Variants in SLC6A8 observed in about 807,000 individuals in gnomAD.
SLC6A8 encodes solute carrier family 6 member 8.
SLC6A8 carries 6 observed loss-of-function variants against 48.3 expected under a neutral mutation model. The ratio of observed to expected loss-of-function variants is 0.12; its 90% confidence interval spans 0.07 to 0.25. The LOEUF (loss-of-function observed/expected upper bound fraction) is 0.25. SLC6A8 is among the 10% of genes least tolerant of loss of function. The pLI, the probability that SLC6A8 is intolerant of heterozygous loss-of-function variation, is 1.00. For missense variants in SLC6A8, 260 were observed against 551.5 expected, an observed-to-expected ratio of 0.47 and a Z score of 5.29; for synonymous variants, 245 against 244.0, an observed-to-expected ratio of 1.00 and a Z score of -0.04.
In SLC6A8 at chrX:153,696,441, C is replaced by T. The variant is rs182097343; in HGVS notation, c.*1227C>T. 1,218 of 330,506 alleles carry T rather than the reference C, an allele frequency of 3.7e-3. 14 individuals carry two copies. The highest frequency in any genetic ancestry group is 0.03 in the African/African-American group (1,133 of 38,030). The allele number at this position is 330,506 out of a possible 1,213,427, so 27.2% of individuals were successfully genotyped here. A position where few individuals can be genotyped will look rare whatever the true frequency, so the allele number is the denominator to read the frequency against. On this transcript the variant is annotated 3_prime_UTR_variant, in exon 13 of 13. Coordinates refer to ENST00000253122, the MANE Select transcript of SLC6A8 (RefSeq NM_005629.4). ...TTGTCTGTCACGTCCAGTCCCGAGA[C>T]GGCTGAGTGACCCCAAGAAAGGCTT...
chrX:153,691,907 T>C (rs1199724357), intron 3 of SLC6A8, 68 bp from the exon 4 acceptor site: 5 of 1,106,869 alleles, frequency 4.5e-6, no homozygotes, highest in Middle Eastern at 3.4e-4. Context: ...CCACAACTCC[T>C]GGGGGTGGAC....
intron 4 of SLC6A8, 87 bp from the exon 5 acceptor site, chrX:153,692,954 C>G (rs2091464890): frequency 9.0e-7 from 1 of 1,109,039 alleles, no homozygotes; most frequent in Non-Finnish European, 1.2e-6. Flanking sequence ...CTGAACATAC[C>G]TGCCCGCAAG....
chrX:153,692,117 G>C lies in SLC6A8; in HGVS notation c.777+10G>C. The C allele has an allele frequency of 8.3e-7, 1 of 1,198,603 alleles. No homozygotes were observed. The highest frequency in any genetic ancestry group is 1.1e-6 in the Non-Finnish European group (1 of 887,617). On this transcript the variant is annotated intron_variant, in intron 4 of 12. Coordinates refer to ENST00000253122, the MANE Select transcript of SLC6A8 (RefSeq NM_005629.4). ...CAAATCCACGGGAAAGGTACCACTA[G>C]AGGCATGCAGCGGGGAGGGTGGCTC...
rs2091490196 is a variant in SLC6A8, at chrX:153,696,111, TTGCGTGTGTGAGTCTGTTGTGTGGATG to T, written c.*908_*934del. The T allele has an allele frequency of 2.0e-5, 4 of 202,007 alleles. No individual in the cohort carries two copies. Among genetic ancestry groups the T allele is most frequent in the Non-Finnish European group, 3.7e-5 (4 of 108,528 alleles). The allele number at this position is 202,007 out of a possible 1,213,427, so 16.6% of individuals were successfully genotyped here. On this transcript the variant is annotated 3_prime_UTR_variant, in exon 13 of 13. Coordinates refer to ENST00000253122, the MANE Select transcript of SLC6A8 (RefSeq NM_005629.4). ...TAGGCAAAACAAAAGCTTCGAGCTG[TTGCGTGTGTGAGTCTGTTGTGTGGATG>T]TGCGTGTGTGGTCCCCAGCCCCAGA...
In SLC6A8 at chrX:153,694,835, C is replaced by T. The variant is rs782244505; in HGVS notation, c.1713C>T (p.Cys571=). The T allele has an allele frequency of 1.1e-4, 136 of 1,207,372 alleles. No homozygotes were observed. The highest frequency in any genetic ancestry group is 9.0e-4 in the South Asian group (51 of 56,512). The part of the protein sequence containing the change: ...GWAFALSSML[C]VPLHLLGCLL... ...CCTTCGCCCTGTCCTCCATGCTGTG[C>T]GTGCCGCTGCACCTCCTGGGCTGCC... The change falls in exon 12 of 13, where the codon TGC becomes TGT. Residue 571 remains cysteine, a synonymous_variant. Transcript: ENST00000253122.
At chrX:153,694,913 C>T in intron 12 of SLC6A8, 24 bp downstream of exon 12, 2 of 1,120,593 alleles carry the variant, frequency 1.8e-6, no homozygotes, top group Non-Finnish European at 2.4e-6. Context: ...CCGGCCCGCC[C>T]TCCCCTCCCC....
Position 153,695,071 on chromosome X carries a change from C to T in SLC6A8, c.1768-3C>T, listed in dbSNP as rs150207268. 5.9e-3 allele frequency: 7,049 copies of T among 1,198,729 alleles called. 18 individuals are homozygous for T. The highest frequency in any genetic ancestry group is 0.013 in the Middle Eastern group (52 of 4,011). ...GGCTTCAGCATGTCCTCCTCTCCTGCAGCGCTGGCAGCACCTGACCCAGCC... is the reference window on the plus strand; with the variant it reads ...GGCTTCAGCATGTCCTCCTCTCCTGTAGCGCTGGCAGCACCTGACCCAGCC... On this transcript the variant is annotated splice_polypyrimidine_tract_variant and splice_region_variant and intron_variant, in intron 12 of 12. Transcript: ENST00000253122.
Position 153,690,891 on chromosome X carries a change from A to AAC in SLC6A8, c.394+386_394+387dup, listed in dbSNP as rs201574639. ...TCCAACACTACCTCAGGCGACTAGA[A>AAC]ACCCCCCCCCCCCACCACCACCATC... On this transcript the variant is annotated intron_variant, in intron 2 of 12. Coordinates refer to ENST00000253122, the MANE Select transcript of SLC6A8 (RefSeq NM_005629.4). The AAC allele has an allele frequency of 0.027, 4,162 of 156,825 alleles. 199 individuals carry two copies. In the African/African-American group the frequency reaches 0.27, roughly 10 times the overall value. 12.9% of individuals were successfully genotyped at this position (156,825 alleles called of 1,213,427 possible). A position where few individuals can be genotyped will look rare whatever the true frequency, so the allele number is the denominator to read the frequency against.
rs781858438 is a variant in SLC6A8 at position 153,694,107 on chromosome X, G to A, written c.1255-23G>A. On this transcript the variant is annotated intron_variant, in intron 8 of 12. Coordinates refer to ENST00000253122, the MANE Select transcript of SLC6A8 (RefSeq NM_005629.4). ...AGGGGTGGAGGGCGGTGCGGGGCTCGGCCTGAGCTGCCCTGGCCACAGTTT... is the reference window on the plus strand; with the variant it reads ...AGGGGTGGAGGGCGGTGCGGGGCTCAGCCTGAGCTGCCCTGGCCACAGTTT... 3.7e-5 allele frequency: 45 copies of A among 1,207,673 alleles called. No individual in the cohort carries two copies. The East Asian group carries it at 5.6e-4, about 15-fold the overall frequency.
chrX:153,688,889 GC>G, intron 1 of SLC6A8, 53 bp downstream of exon 1: 1 of 844,447 alleles, frequency 1.2e-6, no homozygotes, highest in South Asian at 3.6e-5. Context: ...GCCGGCCCCC[GC>G]CCGACCCCCG....
chrX:153,690,894 C>A (rs868941701), intron 2 of SLC6A8: 34 of 219,976 alleles, frequency 1.5e-4, no homozygotes, highest in African/African-American at 1.1e-3. Context: ...GACTAGAAAC[C>A]CCCCCCCCCC....
rs1179559512 is a variant in SLC6A8 at position 153,693,876 on chromosome X, A to G, written c.1142-29A>G. The G allele has an allele frequency of 1.9e-5, 21 of 1,086,496 alleles. No homozygotes were observed. In the African/African-American group the frequency reaches 3.5e-4, roughly 18 times the overall value. 89.5% of individuals were successfully genotyped at this position (1,086,496 alleles called of 1,213,427 possible). A position where few individuals can be genotyped will look rare whatever the true frequency, so the allele number is the denominator to read the frequency against. ...GCGCACAGGGCAGGACATCGGCTAC[A>G]AGGTCTAGAGCCTGCACCTTTCCCA... is the stretch of plus-strand genomic sequence containing the variant. On this transcript the variant is annotated intron_variant, in intron 7 of 12. Coordinates refer to ENST00000253122, the MANE Select transcript of SLC6A8 (RefSeq NM_005629.4).
At chrX:153,692,160 G>A (rs2091459466) in intron 4 of SLC6A8, 53 bp downstream of exon 4, 11 of 1,133,840 alleles carry the variant, frequency 9.7e-6, no homozygotes, top group Non-Finnish European at 1.3e-5. Flanking sequence ...GGAGCCGGAT[G>A]TCTGTGCCAG....
chrX:153,691,167 G>A (rs1417135011), intron 2 of SLC6A8, 137 bp from the exon 3 acceptor site: 23 of 690,750 alleles, frequency 3.3e-5, no homozygotes, highest in Non-Finnish European at 4.5e-5. Flanking sequence ...GGGAGCCCAG[G>A]GGAGTCAGGA....
chrX:153,693,975 C>A lies in SLC6A8; in HGVS notation c.1212C>A (p.Ala404=). 1 of 1,179,653 alleles carries A rather than the reference C, an allele frequency of 8.5e-7. No homozygotes were observed. Among genetic ancestry groups the A allele is most frequent in the Non-Finnish European group, 1.1e-6 (1 of 878,786 alleles). Residue 404 remains alanine (A), a synonymous_variant, in exon 8 of 13, where the codon GCC becomes GCA. Coordinates refer to ENST00000253122, the MANE Select transcript of SLC6A8 (RefSeq NM_005629.4). ...TLMPVAPLWA[A]LFFFMLLLLG... is the part of the protein sequence containing the mutation. ...TGCCAGTGGCCCCACTCTGGGCTGC[C>A]CTGTTCTTCTTCATGCTGTTGCTGC...
intron 1 of SLC6A8, 147 bp downstream of exon 1, chrX:153,688,983 C>A (rs1168246703): frequency 5.5e-6 from 1 of 182,883 alleles, no homozygotes; most frequent in Non-Finnish European, 9.8e-6. Context: ...TCCGCCGCTG[C>A]CGCTCGGTGG....
At chrX:153,695,015 G>T in intron 12 of SLC6A8, 59 bp from the exon 13 acceptor site, 1 of 1,165,821 alleles carries the variant, frequency 8.6e-7, no homozygotes, top group South Asian at 1.9e-5. Flanking sequence ...GGCAGAGGAA[G>T]TCACCGTGGG....
At position 153,695,309 on chromosome X, in the gene SLC6A8, C is replaced by T; in HGVS notation, c.*95C>T. ...CTCCAGGGGGCCTGCCTTTCCCTGACACTTTTGGGGTCTGCCTGGGGGAGG... is the reference window on the plus strand; with the variant it reads ...CTCCAGGGGGCCTGCCTTTCCCTGATACTTTTGGGGTCTGCCTGGGGGAGG... On this transcript the variant is annotated 3_prime_UTR_variant, in exon 13 of 13. Transcript: ENST00000253122. 1.1e-6 allele frequency: 1 copy of T among 940,587 alleles called. No individual in the cohort carries two copies. 77.5% of individuals were successfully genotyped at this position (940,587 alleles called of 1,213,427 possible).
At position 153,695,538 on chromosome X, in the gene SLC6A8, T is replaced by C; in HGVS notation, c.*324T>C. On this transcript the variant is annotated 3_prime_UTR_variant, in exon 13 of 13. Coordinates refer to ENST00000253122, the MANE Select transcript of SLC6A8 (RefSeq NM_005629.4). ...GCCACGCCCACCCCCTGCCCACCTC[T>C]CCAGGCTCTGCTCTGCAGCACACCC... 2 of 269,398 alleles carry C rather than the reference T, an allele frequency of 7.4e-6. No homozygotes were observed. Among genetic ancestry groups the C allele is most frequent in the Non-Finnish European group, 1.3e-5 (2 of 157,439 alleles). The allele number at this position is 269,398 out of a possible 1,213,427, so 22.2% of individuals were successfully genotyped here.
Sources: allele counts gnomAD v4.1 joint callset, GRCh38; gene constraint gnomAD v4.1.1; transcripts MANE v1.5; gene names NCBI Gene and HGNC (gene_info 2026-07-23, HGNC 2026-07-21).